PYGM: variants seen among roughly 807,000 people sequenced by gnomAD.
PYGM encodes the protein glycogen phosphorylase, muscle associated.
A neutral mutation model predicts 99.3 loss-of-function variants in PYGM; 81 were observed. The observed-to-expected ratio is 0.82, with a 90% confidence interval of 0.68 to 0.98. The LOEUF (loss-of-function observed/expected upper bound fraction) is 0.98, where lower values mean the gene tolerates loss of function less well. PYGM is among the 50% of genes least tolerant of loss of function. The pLI is 0.00. For synonymous variants in PYGM, 436 were observed against 451.5 expected (o/e 0.97, Z 0.44); for missense variants, 1,030 against 1,158.1 (o/e 0.89, Z 1.61).
At chr11:64,747,395 G>A in intron 17 of PYGM, 37 bp from the exon 18 acceptor site, 1 of 1,613,610 alleles carries the variant, frequency 6.2e-7, no homozygotes, top group Non-Finnish European at 8.5e-7. Flanking sequence ...CCCCGGAAAG[G>A]GGTTCCTGGC....
chr11:64,752,997 C>T, intron 12 of PYGM, 76 bp downstream of exon 12: 1 of 1,340,652 alleles, frequency 7.5e-7, no homozygotes, highest in South Asian at 1.2e-5. Flanking sequence ...ATGCAGTGAA[C>T]CACCTACACG....
Position 64,759,914 on chromosome 11 carries a change from G to A in PYGM, c.-16C>T. The A allele has an allele frequency of 6.2e-7, 1 of 1,613,624 alleles. No individual in the cohort carries two copies. Among genetic ancestry groups the A allele is most frequent in the Non-Finnish European group, 8.5e-7 (1 of 1,179,922 alleles). ...GCCGGGACATGGCTGCAGGAGGGCG[G>A]GCCGGACTGGACTGATGGTAGAGGG... is the stretch of plus-strand genomic sequence containing the variant. On this transcript the variant is annotated 5_prime_UTR_variant, in exon 1 of 20. Coordinates refer to ENST00000164139, the MANE Select transcript of PYGM (RefSeq NM_005609.4).
At chr11:64,760,223 G>T, upstream of PYGM, 1 of 348,610 alleles carries the variant, frequency 2.9e-6, no homozygotes. Flanking sequence ...CCTGCCTTTT[G>T]GAGGGTTGGA....
Position 64,758,351 on chromosome 11 carries a change from T to C in PYGM, c.425-2A>G, listed in dbSNP as rs752851284. 3.7e-6 allele frequency: 6 copies of C among 1,613,650 alleles called. No individual in the cohort carries two copies. The highest frequency in any genetic ancestry group is 5.1e-6 in the Non-Finnish European group (6 of 1,179,854). On this transcript the variant is annotated splice_acceptor_variant, in intron 3 of 19. Coordinates refer to ENST00000164139, the MANE Select transcript of PYGM (RefSeq NM_005609.4). LOFTEE classifies it high-confidence loss of function. ...TTGCCATGGAGTCAAGAAAGCAGGC[T>C]GGGGGTGTGCAGGGAGGTGGCTGTC...
chr11:64,747,611 A>C, intron 17 of PYGM: 2 of 523,754 alleles, frequency 3.8e-6, no homozygotes, highest in Middle Eastern at 5.3e-4. Context: ...AAGGCCCCCA[A>C]ACAAGCTCTT....
Position 64,751,941 on chromosome 11 carries a change from A to T in PYGM, c.1751T>A (p.Val584Asp). The T allele has an allele frequency of 6.2e-7, 1 of 1,614,204 alleles. No homozygotes were observed. Among genetic ancestry groups the T allele is most frequent in the Non-Finnish European group, 8.5e-7 (1 of 1,180,036 alleles). The change falls in exon 14 of 20, where the codon GTC becomes GAC. Residue 584 changes from valine to aspartate, a missense_variant. Physicochemically the swap from Val to Asp is radical, Grantham distance 152. Transcript: ENST00000164139. ...YKRQLLNCLHVITLYNRIKRE... is the reference protein window; with the variant it reads ...YKRQLLNCLHDITLYNRIKRE... ...CCACTCACGGTTGTACAGGGTGATGACATGGAGGCAGTTGAGGAGCTGTCG... is the reference window on the plus strand; with the variant it reads ...CCACTCACGGTTGTACAGGGTGATGTCATGGAGGCAGTTGAGGAGCTGTCG...
intron 16 of PYGM, 105 bp from the exon 17 acceptor site, chr11:64,750,688 C>T: frequency 9.2e-7 from 1 of 1,090,138 alleles, no homozygotes; most frequent in Admixed American, 2.0e-5. Context: ...CTCAGAGTCG[C>T]CCCACCCCAA....
At position 64,751,389 on chromosome 11, in the gene PYGM, C is replaced by A; in HGVS notation, c.1905G>T (p.Pro635=). The A allele has an allele frequency of 6.2e-7, 1 of 1,614,136 alleles. No homozygotes were observed. ...TGACACGGAGGCGGTCACCCACTGC[C>A]GGGTCATGGTTGACCACATCCCCGA... ...TAIGDVVNHD[P]AVGDRLRVIF... The change falls in exon 16 of 20, where the codon CCG becomes CCT. Residue 635 remains proline (P), a synonymous_variant. Coordinates refer to ENST00000164139, the MANE Select transcript of PYGM (RefSeq NM_005609.4).
At position 64,754,108 on chromosome 11, in the gene PYGM, C is replaced by A. The variant is rs536500841; in HGVS notation, c.1093-83G>T. On this transcript the variant is annotated intron_variant, in intron 9 of 19. Transcript: ENST00000164139. This position sits in a 1 kb window ranked among gnomAD's most constrained non-coding sequence, Gnocchi z 5.5. ...CACTACGCATCCCAGTGGGCCCCCC[C>A]ACTGCAGTGCCAGGTTCCAGGACGG... 1 of 1,603,422 alleles carries A rather than the reference C, an allele frequency of 6.2e-7. No individual in the cohort carries two copies. Among genetic ancestry groups the A allele is most frequent in the African/African-American group, 1.3e-5 (1 of 74,768 alleles).
At position 64,754,933 on chromosome 11, in the gene PYGM, C is replaced by CCCCTGAG. The variant is rs2058384609; in HGVS notation, c.856-104_856-98dup. 1 of 1,528,746 alleles carries CCCCTGAG rather than the reference C, an allele frequency of 6.5e-7. No homozygotes were observed. The highest frequency in any genetic ancestry group is 8.8e-7 in the Non-Finnish European group (1 of 1,131,666). 94.7% of individuals were successfully genotyped at this position (1,528,746 alleles called of 1,614,324 possible). ...GGAGGGACTCCCACCCATACCGGGA[C>CCCCTGAG]CCCTGAGCCCTGAGCCGGCCCCCTC... On this transcript the variant is annotated intron_variant, in intron 7 of 19. Transcript: ENST00000164139. This position sits in a 1 kb window ranked among gnomAD's most constrained non-coding sequence, Gnocchi z 5.5.
Position 64,754,412 on chromosome 11 carries a change from C to A in PYGM, c.1000-67G>T, listed in dbSNP as rs1469092455. On this transcript the variant is annotated intron_variant, in intron 8 of 19. Coordinates refer to ENST00000164139, the MANE Select transcript of PYGM (RefSeq NM_005609.4). This position sits in a 1 kb window ranked among gnomAD's most constrained non-coding sequence, Gnocchi z 5.5. ...TCCATGCTATGGTCACTGCCCTATG[C>A]CATTTGGAGGCCCCCAGAGAGCCCA... is the stretch of plus-strand genomic sequence containing the variant. 7.2e-7 allele frequency: 1 copy of A among 1,386,568 alleles called. No individual in the cohort carries two copies. Among genetic ancestry groups the A allele is most frequent in the Admixed American group, 1.7e-5 (1 of 57,630 alleles). 85.9% of individuals were successfully genotyped at this position (1,386,568 alleles called of 1,614,324 possible).
intron 17 of PYGM, chr11:64,749,025 G>C (rs1652853317): frequency 6.6e-6 from 1 of 150,892 alleles, no homozygotes; most frequent in African/African-American, 2.4e-5. Context: ...CTCCAGCCTA[G>C]GTGACAGAGT....
intron 13 of PYGM, 108 bp downstream of exon 13, chr11:64,752,295 C>T (rs984928199): frequency 4.3e-5 from 62 of 1,433,202 alleles, no homozygotes; most frequent in Admixed American, 2.6e-4. Flanking sequence ...CACCAACGGC[C>T]TGGGCTGGCA....
rs147402432 is a variant in PYGM, at chr11:64,758,258, G to A, written c.516C>T (p.Ser172=). ...YEFGIFNQKI[S]GGWQMEEADD... ...CAAGGCTGCTCACCTGCCAGCCCCC[G>A]GAGATCTTCTGGTTAAAAATCCCAA... Residue 172 remains serine (S), a synonymous_variant, in exon 4 of 20, where the codon TCC becomes TCT. Coordinates refer to ENST00000164139, the MANE Select transcript of PYGM (RefSeq NM_005609.4). The A allele has an allele frequency of 1.5e-4, 238 of 1,613,000 alleles. 2 individuals are homozygous for A. In the African/African-American group the frequency reaches 2.5e-3, roughly 17 times the overall value.
rs150232968 is a variant in PYGM, at chr11:64,755,537, C to G, written c.682G>C (p.Asp228His). 3 of 1,613,954 alleles carry G rather than the reference C, an allele frequency of 1.9e-6. No individual in the cohort carries two copies. Among genetic ancestry groups the G allele is most frequent in the African/African-American group, 2.7e-5 (2 of 74,918 alleles). Residue 228 changes from aspartate to histidine, a missense_variant, in exon 6 of 20, where the codon GAT becomes CAT. Physicochemically the swap from Asp to His is moderately conservative, Grantham distance 81 (BLOSUM62 -1). Coordinates refer to ENST00000164139, the MANE Select transcript of PYGM (RefSeq NM_005609.4). This position sits in a 1 kb window ranked among gnomAD's most constrained non-coding sequence, Gnocchi z 4.1. ...TTGCGATAGCCAGGCACGGGCGTAT[C>G]GTAGGGCATGGCCAGTACCACCTGC... ...DTQVVLAMPYDTPVPGYRNNV... is the reference protein window; with the variant it reads ...DTQVVLAMPYHTPVPGYRNNV...
intron 4 of PYGM, among the ~76,000 whole-genome samples, 164 bp from the exon 5 acceptor site, chr11:64,758,074 C>T (rs539487004): frequency 4.0e-5 from 6 of 151,484 alleles, no homozygotes; most frequent in African/African-American, 1.2e-4. Context: ...GAGTGGGACA[C>T]GGACCACCTG....
Position 64,755,137 on chromosome 11 carries a change from G to A in PYGM, c.855+136C>T. The A allele has an allele frequency of 9.2e-7, 1 of 1,092,340 alleles. No individual in the cohort carries two copies. The highest frequency in any genetic ancestry group is 1.4e-6 in the Non-Finnish European group (1 of 730,628). 67.7% of individuals were successfully genotyped at this position (1,092,340 alleles called of 1,614,324 possible). ...TCCTTGCACTCAAAAGACTTGAGGT[G>A]GGGGCACAGGATGCACAAGGCCAGC... is the stretch of plus-strand genomic sequence containing the variant. On this transcript the variant is annotated intron_variant, in intron 7 of 19. Transcript: ENST00000164139. The surrounding 1 kb of genome is among the most constrained non-coding windows in gnomAD (Gnocchi z 4.1).
At position 64,754,313 on chromosome 11, in the gene PYGM, G is replaced by A. The variant is rs1196496498; in HGVS notation, c.1032C>T (p.Ser344=). 5 of 1,613,650 alleles carry A rather than the reference G, an allele frequency of 3.1e-6. No homozygotes were observed. Among genetic ancestry groups the A allele is most frequent in the Non-Finnish European group, 4.2e-6 (5 of 1,179,858 alleles). The part of the protein sequence containing the change: ...VAIQLNDTHP[S]LAIPELMRIL... ...TCCTCATCAGCTCGGGGATGGCCAGGGAGGGGTGGGTGTCATTGAGCTGGA... is the reference window on the plus strand; with the variant it reads ...TCCTCATCAGCTCGGGGATGGCCAGAGAGGGGTGGGTGTCATTGAGCTGGA... The change falls in exon 9 of 20, where the codon TCC becomes TCT. Residue 344 remains serine, a synonymous_variant. Transcript: ENST00000164139. This position sits in a 1 kb window ranked among gnomAD's most constrained non-coding sequence, Gnocchi z 5.5.
intron 18 of PYGM, 58 bp from the exon 19 acceptor site, chr11:64,747,045 G>A: frequency 6.3e-7 from 1 of 1,596,588 alleles, no homozygotes; most frequent in Non-Finnish European, 8.6e-7. Context: ...TAAGTTCTAT[G>A]AGGTCAAGGG....
Sources: gnomAD v4.1 joint callset for allele counts (sites outside exome capture counted in the v4.1 genomes callset) on GRCh38, gnomAD v4.1.1 for gene constraint, Gnocchi (gnomAD v3.1) non-coding constraint, MANE v1.5 for transcripts, NCBI Gene and HGNC (gene_info 2026-07-23, HGNC 2026-07-21) for gene names.